Variants in SLCO1B1 observed in about 807,000 individuals in gnomAD.
SLCO1B1 encodes the protein OATP-2.
SLCO1B1 carries 81 observed loss-of-function variants against 70.1 expected under a neutral mutation model. The ratio of observed to expected loss-of-function variants is 1.16; its 90% CI spans 0.97 to 1.39. The LOEUF is 1.39. Ranked by LOEUF, SLCO1B1 falls within the 40% of genes most tolerant of loss-of-function variation. The pLI, the probability that SLCO1B1 is intolerant of heterozygous loss-of-function variation, is 0.00. For synonymous variants in SLCO1B1, 283 were observed against 271.5 expected (o/e 1.04, Z -0.42); for missense variants, 895 against 799.6 (o/e 1.12, Z -1.44).
At chr12:21,206,217 G>A (rs564962608) in intron 11 of SLCO1B1, among the ~76,000 whole-genome samples, 184 bp downstream of exon 11, 1 of 151,776 alleles carries the variant, frequency 6.6e-6, no homozygotes, top group Non-Finnish European at 1.5e-5. Context: ...GTCTGCTTAG[G>A]GCACAATCAG....
rs374658416 is a variant in SLCO1B1, at chr12:21,185,863, G to A, written c.727+6843G>A. ...AAGGAAAAAAAGGAGACCCAATTAA[G>A]CACAATCGGAAATGACAAAGATCAC... is the stretch of plus-strand genomic sequence containing the variant. On this transcript the variant is annotated intron_variant, in intron 7 of 14. Transcript: ENST00000256958. Among the ~76,000 whole-genome samples the A allele has an allele frequency of 1.2e-3, 181 of 151,890 alleles. 3 individuals are homozygous for A. In the South Asian group the frequency reaches 0.036, roughly 30 times the overall value.
intron 11 of SLCO1B1, among the ~76,000 whole-genome samples, chr12:21,214,047 A>T (rs1280939475): frequency 6.6e-6 from 1 of 152,056 alleles, no homozygotes; most frequent in Non-Finnish European, 1.5e-5. Flanking sequence ...GATCGTCTGA[A>T]GCCTTCTCTC....
intron 8 of SLCO1B1, among the ~76,000 whole-genome samples, chr12:21,199,881 A>G (rs1349944683): frequency 6.6e-6 from 1 of 151,912 alleles, no homozygotes; most frequent in Non-Finnish European, 1.5e-5. Flanking sequence ...AGCTCACTGC[A>G]ACCTTCGCCT....
intron 4 of SLCO1B1, among the ~76,000 whole-genome samples, chr12:21,176,570 T>C (rs1417250297): frequency 6.6e-6 from 1 of 152,106 alleles, no homozygotes; most frequent in African/African-American, 2.4e-5. Context: ...CTGGGGTGTA[T>C]TGAATTATCT....
chr12:21,161,509 G>T (rs1368353017), intron 2 of SLCO1B1, among the ~76,000 whole-genome samples: 1 of 152,112 alleles, frequency 6.6e-6, no homozygotes, highest in Non-Finnish European at 1.5e-5. Context: ...GGGTCTAGCT[G>T]AGGTTGGAGG....
At chr12:21,227,093 G>T (rs778508733) in intron 14 of SLCO1B1, among the ~76,000 whole-genome samples, 1 of 151,960 alleles carries the variant, frequency 6.6e-6, no homozygotes, top group African/African-American at 2.4e-5. Context: ...TTATCCTACA[G>T]ATAACTATAC....
intron 7 of SLCO1B1, among the ~76,000 whole-genome samples, chr12:21,183,582 C>T (rs1940930427): frequency 6.6e-6 from 1 of 151,998 alleles, no homozygotes; most frequent in African/African-American, 2.4e-5. Flanking sequence ...GAGTCTTATC[C>T]CAGAAATTAA....
At chr12:21,195,482 C>G (rs1253002784) in intron 7 of SLCO1B1, among the ~76,000 whole-genome samples, 1 of 152,046 alleles carries the variant, frequency 6.6e-6, no homozygotes, top group East Asian at 1.9e-4. Context: ...GATCTGGGAG[C>G]AGGGAGGAGC....
intron 2 of SLCO1B1, among the ~76,000 whole-genome samples, chr12:21,154,832 CAT>C (rs1940518774): frequency 6.6e-6 from 1 of 152,048 alleles, no homozygotes; most frequent in African/African-American, 2.4e-5. Context: ...TATGCTTGAG[CAT>C]ATATCTCTTT....
In SLCO1B1 at chr12:21,161,417, C is replaced by A. The variant is rs543454848; in HGVS notation, c.85-11233C>A. ...AGCAAACTAACACAGGAAGAGAAAA[C>A]CAAATACTTCATGTTCTCACTTATA... On this transcript the variant is annotated intron_variant, in intron 2 of 14. Coordinates refer to ENST00000256958, the MANE Select transcript of SLCO1B1 (RefSeq NM_006446.5). Among the ~76,000 whole-genome samples the A allele has an allele frequency of 3.3e-5, 5 of 152,106 alleles. No individual in the cohort carries two copies. In the East Asian group the frequency reaches 9.7e-4, roughly 29 times the overall value.
rs1940127750 is a variant in SLCO1B1, at chr12:21,131,204, C to G, written c.-94C>G. 1 of 152,020 alleles carries G rather than the reference C, an allele frequency of 6.6e-6. No homozygotes were observed. The highest frequency in any genetic ancestry group is 2.1e-4 in the South Asian group (1 of 4,826). 9.4% of individuals were successfully genotyped at this position (152,020 alleles called of 1,614,324 possible). The stretch of plus-strand genomic sequence containing the variant: ...TACTTTAAGAGGAATAAAGGGTGGA[C>G]TTGTTGCAGTTGCTGTAGGATTCTA... On this transcript the variant is annotated 5_prime_UTR_variant, in exon 1 of 15. Coordinates refer to ENST00000256958, the MANE Select transcript of SLCO1B1 (RefSeq NM_006446.5).
chr12:21,239,031 T>G lies in SLCO1B1; in HGVS notation c.1918T>G (p.Tyr640Asp). 1 of 1,589,110 alleles carries G rather than the reference T, an allele frequency of 6.3e-7. No homozygotes were observed. The highest frequency in any genetic ancestry group is 1.1e-5 in the South Asian group (1 of 89,492). Residue 640 changes from tyrosine (Y) to aspartate (D), a missense_variant, in exon 15 of 15, where the codon TAT becomes GAT. Transcript: ENST00000256958. ...GTTAAGAGTCTCATCACTTGTTTTA[T>G]ATATTATATTAATTTATGCCATGAA... ...SMLRVSSLVL[Y>D]IILIYAMKKK...
chr12:21,217,311 T>A lies in SLCO1B1; in HGVS notation c.1682+8T>A, dbSNP rs369495706. 6.2e-7 allele frequency: 1 copy of A among 1,612,022 alleles called. No individual in the cohort carries two copies. The highest frequency in any genetic ancestry group is 2.2e-5 in the East Asian group (1 of 44,810). On this transcript the variant is annotated splice_region_variant and intron_variant, in intron 12 of 14. Transcript: ENST00000256958. ...TGTCATGCTGATTGTTAAGTAAGTA[T>A]GACTTTTAAAAACATTTTCATATGC...
At chr12:21,193,854 G>A (rs899778901) in intron 7 of SLCO1B1, among the ~76,000 whole-genome samples, 8 of 151,918 alleles carry the variant, frequency 5.3e-5, no homozygotes, top group African/African-American at 1.2e-4. Flanking sequence ...GCAGTGGTGC[G>A]ATCTCGGCTC....
intron 11 of SLCO1B1, among the ~76,000 whole-genome samples, chr12:21,213,327 T>G (rs1209454357): frequency 3.3e-5 from 5 of 152,034 alleles, no homozygotes; most frequent in African/African-American, 1.2e-4. Flanking sequence ...CTTATGAAGC[T>G]TAGTTTGGCT....
intron 1 of SLCO1B1, among the ~76,000 whole-genome samples, chr12:21,135,761 G>A (rs983192285): frequency 6.6e-6 from 1 of 152,068 alleles, no homozygotes; most frequent in South Asian, 2.1e-4. Context: ...TGACTACAGT[G>A]CACTGATTGG....
intron 4 of SLCO1B1, 112 bp downstream of exon 4, chr12:21,174,821 C>A: frequency 3.0e-6 from 3 of 990,482 alleles, no homozygotes; most frequent in Non-Finnish European, 4.6e-6. Context: ...GAGAAGATAC[C>A]CACTAAGTGT....
At chr12:21,159,580 T>C (rs539581506) in intron 2 of SLCO1B1, among the ~76,000 whole-genome samples, 22 of 152,270 alleles carry the variant, frequency 1.4e-4, no homozygotes, top group Non-Finnish European at 1.8e-4. Context: ...TAGTTTGATG[T>C]AGATAAAAGT....
intron 1 of SLCO1B1, among the ~76,000 whole-genome samples, chr12:21,138,096 T>C (rs1344027227): frequency 2.0e-5 from 3 of 152,218 alleles, no homozygotes; most frequent in Non-Finnish European, 4.4e-5. Context: ...GAAAGTGAGG[T>C]GGAGATGGGG....
Sources: gnomAD v4.1 joint callset for allele counts (sites outside exome capture counted in the v4.1 genomes callset) on GRCh38, gnomAD v4.1.1 for gene constraint, MANE v1.5 for transcripts, NCBI Gene and HGNC (gene_info 2026-07-23, HGNC 2026-07-21) for gene names.